The following PCDHGA1 variants were observed in gnomAD, a reference collection of about 807,000 sequenced individuals.
PCDHGA1 encodes protocadherin gamma-A1.
In PCDHGA1, 32 loss-of-function variants were observed where a neutral mutation model predicts 58.0. The ratio of observed to expected loss-of-function variants is 0.55; its 90% confidence interval spans 0.42 to 0.74. PCDHGA1 has a LOEUF of 0.74. PCDHGA1 is among the 30% of genes least tolerant of loss of function. The pLI is 0.00. For missense variants in PCDHGA1, 1,205 were observed against 1,182.3 expected, an observed-to-expected ratio of 1.02 and a Z score of -0.28; for synonymous variants, 498 against 501.1, an observed-to-expected ratio of 0.99 and a Z score of 0.08.
intron 1 of PCDHGA1, chr5:141,361,905 G>C (rs753577656): frequency 6.2e-7 from 1 of 1,608,996 alleles, no homozygotes. Flanking sequence ...TGGTGACCAA[G>C]GTGGTGGCGG....
chr5:141,425,843 G>A (rs2096898027), intron 1 of PCDHGA1, among the ~76,000 whole-genome samples: 1 of 152,118 alleles, frequency 6.6e-6, no homozygotes, highest in African/African-American at 2.4e-5. Flanking sequence ...TCTCTTTGCT[G>A]GGTTAATGAC....
chr5:141,374,333 T>G lies in PCDHGA1; in HGVS notation c.2421+41228T>G, dbSNP rs767860795. 3.7e-6 allele frequency: 6 copies of G among 1,613,886 alleles called. No homozygotes were observed. In the African/African-American group the frequency reaches 5.3e-5, roughly 14 times the overall value. On this transcript the variant is annotated intron_variant, in intron 1 of 3. Coordinates refer to ENST00000517417, the MANE Select transcript of PCDHGA1 (RefSeq NM_018912.3). ...CTCTCTGAATCCGCGAAACGGCAGC[T>G]TGGTCACCGCGGGTAGGATAGACCG...
At position 141,340,527 on chromosome 5, in the gene PCDHGA1, C is replaced by T; in HGVS notation, c.2421+7422C>T. The T allele has an allele frequency of 3.1e-6, 5 of 1,614,256 alleles. No individual in the cohort carries two copies. In the Admixed American group the frequency reaches 8.3e-5, roughly 27 times the overall value. On this transcript the variant is annotated intron_variant, in intron 1 of 3. Coordinates refer to ENST00000517417, the MANE Select transcript of PCDHGA1 (RefSeq NM_018912.3). ...ACTGGAGTACTCTATGCACTGCGCTCCTTTGATTATGAGCAGTTGCGAGAC... is the reference window on the plus strand; with the variant it reads ...ACTGGAGTACTCTATGCACTGCGCTTCTTTGATTATGAGCAGTTGCGAGAC...
At chr5:141,395,340 G>A in intron 1 of PCDHGA1, 2 of 1,419,480 alleles carry the variant, frequency 1.4e-6, no homozygotes, top group Non-Finnish European at 1.9e-6. Context: ...TAATTTTTAA[G>A]GTGTATCACA....
chr5:141,347,553 G>C (rs567924873), intron 1 of PCDHGA1, among the ~76,000 whole-genome samples: 92 of 152,228 alleles, frequency 6.0e-4, no homozygotes, highest in African/African-American at 2.1e-3. Flanking sequence ...TTGGGAGGCT[G>C]AGGCAGGTGG....
At chr5:141,336,539 A>G (rs1756624058) in intron 1 of PCDHGA1, among the ~76,000 whole-genome samples, 2 of 152,262 alleles carry the variant, frequency 1.3e-5, no homozygotes, top group Non-Finnish European at 2.9e-5. Flanking sequence ...AGGAGCCAAA[A>G]GGCAAACAGA....
chr5:141,433,352 T>C (rs976015031), intron 1 of PCDHGA1: 16 of 614,162 alleles, frequency 2.6e-5, no homozygotes, highest in Non-Finnish European at 3.7e-5. Flanking sequence ...AGCCACCTAC[T>C]GTCTGCCTAT....
intron 1 of PCDHGA1, chr5:141,415,153 G>T: frequency 2.5e-6 from 4 of 1,613,780 alleles, no homozygotes; most frequent in Non-Finnish European, 3.4e-6. Context: ...CCCTCTCTCC[G>T]CCACTGTCAC....
At chr5:141,375,793 C>G (rs761231690) in intron 1 of PCDHGA1, 1 of 1,614,110 alleles carries the variant, frequency 6.2e-7, no homozygotes, top group Non-Finnish European at 8.5e-7. Context: ...TCCCCACAGA[C>G]GGTTCCACTG....
intron 1 of PCDHGA1, among the ~76,000 whole-genome samples, chr5:141,358,059 G>A (rs1239093738): frequency 6.6e-6 from 1 of 152,188 alleles, no homozygotes; most frequent in Non-Finnish European, 1.5e-5. Context: ...GCGTGGTGGT[G>A]TGTGCCCGTA....
chr5:141,341,295 A>G (rs1200600644), intron 1 of PCDHGA1: 3 of 1,614,100 alleles, frequency 1.9e-6, no homozygotes, highest in South Asian at 1.1e-5. Context: ...CAGCCCAACT[A>G]TGCGGACACG....
At chr5:141,406,547 A>G (rs1414255326) in intron 1 of PCDHGA1, among the ~76,000 whole-genome samples, 1 of 152,216 alleles carries the variant, frequency 6.6e-6, no homozygotes, top group Non-Finnish European at 1.5e-5. Flanking sequence ...TTCAAACTTC[A>G]GTTATCCACT....
At chr5:141,414,134 A>T in intron 1 of PCDHGA1, 1 of 1,595,028 alleles carries the variant, frequency 6.3e-7, no homozygotes, top group South Asian at 1.1e-5. Flanking sequence ...GGTTTCTATG[A>T]AATAGAAATA....
chr5:141,431,513 C>G lies in PCDHGA1; in HGVS notation c.2422-63294C>G. ...TCAGCCCGAGTACCGCGCGAGCGTT[C>G]CGGAGAATCTGGCCTTGGGCACGCA... On this transcript the variant is annotated intron_variant, in intron 1 of 3. Transcript: ENST00000517417. The surrounding 1 kb of genome is among the most constrained non-coding windows in gnomAD (Gnocchi z 4.8). 6.2e-7 allele frequency: 1 copy of G among 1,614,022 alleles called. No homozygotes were observed. Among genetic ancestry groups the G allele is most frequent in the South Asian group, 1.1e-5 (1 of 91,088 alleles).
At chr5:141,510,873 T>A in intron 3 of PCDHGA1, 74 bp from the exon 4 acceptor site, 1 of 1,609,964 alleles carries the variant, frequency 6.2e-7, no homozygotes, top group Non-Finnish European at 8.5e-7. Flanking sequence ...ATTCATTAAC[T>A]GCTGGGGATA....
chr5:141,398,048 G>T, intron 1 of PCDHGA1: 2 of 1,506,604 alleles, frequency 1.3e-6, no homozygotes, highest in South Asian at 1.3e-5. Flanking sequence ...CCCGTTCGGA[G>T]ATCCAAAAAT....
chr5:141,352,112 C>G (rs1037474296), intron 1 of PCDHGA1: 5 of 1,607,318 alleles, frequency 3.1e-6, no homozygotes, highest in Non-Finnish European at 4.2e-6. Flanking sequence ...CCTGGGGTTG[C>G]GCACGGGTGA....
At chr5:141,383,304 G>A (rs1779007855) in intron 1 of PCDHGA1, 1 of 1,613,918 alleles carries the variant, frequency 6.2e-7, no homozygotes, top group Non-Finnish European at 8.5e-7. Context: ...GATTCTTGAC[G>A]GAAGAAATAA....
chr5:141,485,387 C>T lies in PCDHGA1; in HGVS notation c.2422-9420C>T. The T allele has an allele frequency of 6.2e-7, 1 of 1,614,078 alleles. No homozygotes were observed. Among genetic ancestry groups the T allele is most frequent in the Non-Finnish European group, 8.5e-7 (1 of 1,179,994 alleles). On this transcript the variant is annotated intron_variant, in intron 1 of 3. Coordinates refer to ENST00000517417, the MANE Select transcript of PCDHGA1 (RefSeq NM_018912.3). This position sits in a 1 kb window ranked among gnomAD's most constrained non-coding sequence, Gnocchi z 5.7. ...GCTGCAGGTCGCTGGAGAGGTGAAC[C>T]AAAGACACTTCCGTGTGGATTTGGA...
Sources: allele counts gnomAD v4.1 joint callset (sites outside exome capture counted in the v4.1 genomes callset), GRCh38; gene constraint gnomAD v4.1.1; non-coding constraint Gnocchi (gnomAD v3.1); transcripts MANE v1.5; gene names NCBI Gene and HGNC (gene_info 2026-07-23, HGNC 2026-07-21).